The following KIAA0930 variants were observed in gnomAD, a reference collection of about 807,000 sequenced individuals.
KIAA0930 encodes uncharacterized protein KIAA0930.
A neutral mutation model predicts 43.9 loss-of-function variants in KIAA0930; 24 were observed. The ratio of observed to expected loss-of-function variants is 0.55; its 90% CI spans 0.40 to 0.77. The LOEUF (loss-of-function observed/expected upper bound fraction) is 0.77, where lower values mean the gene tolerates loss of function less well. Among genes scored for constraint, KIAA0930 ranks in the 30% least tolerant of loss-of-function variants. KIAA0930 has a pLI of 0.00. For missense variants in KIAA0930, 461 were observed against 574.2 expected (o/e 0.80, Z 2.02); for synonymous variants, 259 against 216.4 (o/e 1.20, Z -1.73).
At chr22:45,232,546 CCT>C (rs200053459) in intron 1 of KIAA0930, among the ~76,000 whole-genome samples, 2,837 of 152,266 alleles carry the variant, frequency 0.019, 36 homozygotes, top group Non-Finnish European at 0.03. Flanking sequence ...CTGAGTCTCC[CCT>C]GTCTGTGTCA....
chr22:45,211,210 A>C, intron 2 of KIAA0930: 1 of 385,930 alleles, frequency 2.6e-6, no homozygotes, highest in Non-Finnish European at 4.6e-6. Context: ...CAAGTTCCAG[A>C]CCTAGCTACA....
chr22:45,231,845 A>G (rs983017019), intron 1 of KIAA0930, among the ~76,000 whole-genome samples: 3 of 152,146 alleles, frequency 2.0e-5, no homozygotes, highest in African/African-American at 7.2e-5. Flanking sequence ...ACGAAAAATT[A>G]GCTGGTGTGG....
At chr22:45,200,219 C>G in intron 7 of KIAA0930, 184 bp from the exon 8 acceptor site, 1 of 520,006 alleles carries the variant, frequency 1.9e-6, no homozygotes, top group Non-Finnish European at 3.2e-6. Context: ...AAGATGCGTT[C>G]CAGCCCAGGG....
chr22:45,224,515 C>T (rs1306731726), intron 1 of KIAA0930, among the ~76,000 whole-genome samples: 3 of 151,840 alleles, frequency 2.0e-5, no homozygotes, highest in South Asian at 2.1e-4. Context: ...GCCCGGCTCC[C>T]GCGGTTGGAA....
intron 2 of KIAA0930, among the ~76,000 whole-genome samples, chr22:45,210,305 G>A (rs2083681285): frequency 6.6e-6 from 1 of 152,202 alleles, no homozygotes. Context: ...GGACGACAGA[G>A]GGCCTGAGCC....
At chr22:45,227,312 T>TC (rs1410853520) in intron 1 of KIAA0930, among the ~76,000 whole-genome samples, 2 of 152,038 alleles carry the variant, frequency 1.3e-5, no homozygotes, top group Non-Finnish European at 2.9e-5. Context: ...AAATGCCCAC[T>TC]CCCACACCAA....
At chr22:45,206,701 A>G (rs985625939) in intron 2 of KIAA0930, among the ~76,000 whole-genome samples, 2 of 146,218 alleles carry the variant, frequency 1.4e-5, no homozygotes, top group Non-Finnish European at 3.0e-5. Context: ...CTGGCTTCCA[A>G]TTTTTTTTTT....
chr22:45,202,957 G>C, intron 7 of KIAA0930, 33 bp downstream of exon 7: 4 of 1,546,154 alleles, frequency 2.6e-6, no homozygotes, highest in Non-Finnish European at 3.5e-6. Context: ...CTTGACGGAT[G>C]GGAGCCCCCG....
chr22:45,222,732 A>T (rs2083775032), intron 1 of KIAA0930, among the ~76,000 whole-genome samples: 1 of 150,676 alleles, frequency 6.6e-6, no homozygotes, highest in Admixed American at 6.6e-5. Flanking sequence ...CCCTTACATG[A>T]GGGCAATTTC....
intron 1 of KIAA0930, among the ~76,000 whole-genome samples, chr22:45,229,311 CTCTCCACATCCCCACCACCACTCACCG>C (rs2083835371): frequency 1.1e-5 from 1 of 89,580 alleles, no homozygotes; most frequent in African/African-American, 4.3e-5. Context: ...TGAAAGATCC[CTCTCCACATCCCCACCACCACTCACCG>C]GAAAGATCCC....
At chr22:45,227,726 C>T (rs553251033) in intron 1 of KIAA0930, among the ~76,000 whole-genome samples, 243 of 152,288 alleles carry the variant, frequency 1.6e-3, no homozygotes, top group Non-Finnish European at 2.7e-3. Context: ...CGGGAGAGAA[C>T]GGGCCCCACT....
intron 1 of KIAA0930, among the ~76,000 whole-genome samples, chr22:45,216,538 G>A (rs1464041023): frequency 6.6e-6 from 1 of 152,064 alleles, no homozygotes; most frequent in South Asian, 2.1e-4. Context: ...GCAGCAACTG[G>A]CTGTGAATAA....
intron 1 of KIAA0930, among the ~76,000 whole-genome samples, chr22:45,225,701 G>A (rs141238406): frequency 6.6e-6 from 1 of 152,126 alleles, no homozygotes; most frequent in African/African-American, 2.4e-5. Context: ...TCACCCCCTC[G>A]GGGTGCCTTC....
At chr22:45,226,616 C>T (rs1408172547) in intron 1 of KIAA0930, among the ~76,000 whole-genome samples, 1 of 152,136 alleles carries the variant, frequency 6.6e-6, no homozygotes, top group African/African-American at 2.4e-5. Context: ...ACAGTGGTTC[C>T]ATATTCAAAT....
intron 6 of KIAA0930, among the ~76,000 whole-genome samples, chr22:45,203,443 C>T (rs1018011663): frequency 2.0e-5 from 3 of 152,110 alleles, no homozygotes; most frequent in Admixed American, 6.5e-5. Flanking sequence ...AGGCTGGCTG[C>T]GGATGGTGCC....
intron 1 of KIAA0930, among the ~76,000 whole-genome samples, chr22:45,216,067 G>GA (rs1195082770): frequency 6.6e-6 from 1 of 151,990 alleles, no homozygotes; most frequent in Non-Finnish European, 1.5e-5. Context: ...AGAGTGGAGA[G>GA]AAAAGAGATT....
chr22:45,198,954 C>T (rs1173509175), intron 8 of KIAA0930, among the ~76,000 whole-genome samples: 1 of 152,202 alleles, frequency 6.6e-6, no homozygotes, highest in African/African-American at 2.4e-5. Flanking sequence ...CCTGGCCAAT[C>T]CTTCACTTCC....
chr22:45,237,567 C>G (rs753990606), intron 1 of KIAA0930, among the ~76,000 whole-genome samples: 5 of 152,224 alleles, frequency 3.3e-5, no homozygotes, highest in African/African-American at 1.2e-4. Context: ...TCAACCAAAG[C>G]CCAGCGCCTC....
At chr22:45,221,225 T>C (rs530682207) in intron 1 of KIAA0930, among the ~76,000 whole-genome samples, 3 of 152,366 alleles carry the variant, frequency 2.0e-5, no homozygotes, top group Admixed American at 6.5e-5. Context: ...ATTTTGCCTA[T>C]TCTGTTTACT....
Sources: gnomAD v4.1 joint callset for allele counts (sites outside exome capture counted in the v4.1 genomes callset) on GRCh38, gnomAD v4.1.1 for gene constraint, MANE v1.5 for transcripts, NCBI Gene and HGNC (gene_info 2026-07-23, HGNC 2026-07-21) for gene names.